Variants in ZNF345 observed in about 807,000 individuals in gnomAD.
ZNF345 encodes the protein zinc finger protein 345.
For synonymous variants in ZNF345, 166 were observed against 187.9 expected, an observed-to-expected ratio of 0.88 and a Z score of 0.95; for missense variants, 527 against 589.9, an observed-to-expected ratio of 0.89 and a Z score of 1.10.
intron 3 of ZNF345, among the ~76,000 whole-genome samples, chr19:36,884,853 TG>T (rs1159095169): frequency 6.6e-6 from 1 of 152,154 alleles, no homozygotes; most frequent in African/African-American, 2.4e-5. Flanking sequence ...TCTCTTTGGG[TG>T]AAGTTAATTT....
downstream of ZNF345, among the ~76,000 whole-genome samples, chr19:36,882,266 C>T (rs1300216510): frequency 6.6e-6 from 1 of 151,610 alleles, no homozygotes; most frequent in Admixed American, 6.6e-5. Flanking sequence ...TATCTGGGGC[C>T]CATGGTTTTT....
chr19:36,888,841 C>T (rs540639617), intron 3 of ZNF345: 1 of 152,424 alleles, frequency 6.6e-6, no homozygotes, highest in South Asian at 2.1e-4. Context: ...GGCACTATCT[C>T]AGCTCACTGC....
At chr19:36,854,002 G>A (rs2072347540) in intron 2 of ZNF345, among the ~76,000 whole-genome samples, 1 of 152,100 alleles carries the variant, frequency 6.6e-6, no homozygotes, top group Non-Finnish European at 1.5e-5. Flanking sequence ...TTCTACACTT[G>A]ATCTGAGCCA....
At chr19:36,865,799 GT>G (rs1380236879) in intron 2 of ZNF345, among the ~76,000 whole-genome samples, 2 of 152,178 alleles carry the variant, frequency 1.3e-5, no homozygotes, top group East Asian at 3.9e-4. Context: ...TCCCTTCCTG[GT>G]TTTTGTAGGT....
At chr19:36,861,386 C>T (rs1487914529) in intron 2 of ZNF345, among the ~76,000 whole-genome samples, 1 of 152,158 alleles carries the variant, frequency 6.6e-6, no homozygotes, top group Non-Finnish European at 1.5e-5. Context: ...TTTATATCTT[C>T]CTTCTGTAGT....
intron 2 of ZNF345, among the ~76,000 whole-genome samples, chr19:36,869,462 TTGATTAATCATTGGCCACATGAC>T (rs1386759040): frequency 6.6e-6 from 1 of 152,178 alleles, no homozygotes; most frequent in Non-Finnish European, 1.5e-5. Flanking sequence ...GTAGGCATGA[TTGATTAATCATTGGCCACATGAC>T]TGAACTCAGT....
chr19:36,890,251 G>C (rs1568365682), intron 3 of ZNF345: 1 of 152,218 alleles, frequency 6.6e-6, no homozygotes, highest in Non-Finnish European at 1.5e-5. Flanking sequence ...TTGTTGGGTA[G>C]AATGTTCTTC....
At position 36,877,280 on chromosome 19, in the gene ZNF345, A is replaced by C. The variant is rs751145044; in HGVS notation, c.450A>C (p.Glu150Asp). 1.2e-6 allele frequency: 2 copies of C among 1,613,718 alleles called. No homozygotes were observed. Among genetic ancestry groups the C allele is most frequent in the Non-Finnish European group, 1.7e-6 (2 of 1,179,876 alleles). The change falls in exon 3 of 3, where the codon GAA becomes GAC. Residue 150 changes from glutamate (E) to aspartate (D), a missense_variant. By Grantham distance (45) the Glu-to-Asp change is conservative. Coordinates refer to ENST00000420450, the MANE Select transcript of ZNF345 (RefSeq NM_001242472.2). ...HTGEKPYECK[E>D]CGKAFSFGSG... ...GTGAGAAACCCTATGAGTGTAAGGA[A>C]TGTGGGAAAGCCTTTAGTTTTGGAT... is the stretch of plus-strand genomic sequence containing the variant.
intron 2 of ZNF345, among the ~76,000 whole-genome samples, chr19:36,863,626 G>A (rs2072601394): frequency 6.6e-6 from 1 of 152,152 alleles, no homozygotes; most frequent in Non-Finnish European, 1.5e-5. Flanking sequence ...GTGTTTTTCA[G>A]CAATGTCAGC....
At chr19:36,889,353 T>C (rs1169650750) in intron 3 of ZNF345, 1 of 152,188 alleles carries the variant, frequency 6.6e-6, no homozygotes, top group East Asian at 1.9e-4. Flanking sequence ...TTTGGAATAG[T>C]TTCAATAGTG....
chr19:36,878,623 C>CTT lies in ZNF345; in HGVS notation c.*335_*336dup. The CTT allele has an allele frequency of 5.4e-6, 1 of 185,502 alleles. No individual in the cohort carries two copies. Among genetic ancestry groups the CTT allele is most frequent in the Non-Finnish European group, 1.2e-5 (1 of 82,790 alleles). The allele number at this position is 185,502 out of a possible 1,614,324, so 11.5% of individuals were successfully genotyped here. ...AATCCTACTATATTTTTTCAATGGT[C>CTT]TTTTTTTTTTGTATTATACAGAATT... is the stretch of plus-strand genomic sequence containing the variant. On this transcript the variant is annotated 3_prime_UTR_variant, in exon 3 of 3. Coordinates refer to ENST00000420450, the MANE Select transcript of ZNF345 (RefSeq NM_001242472.2).
chr19:36,877,086 G>A lies in ZNF345; in HGVS notation c.256G>A (p.Gly86Ser). Residue 86 changes from glycine (G) to serine (S), a missense_variant, in exon 3 of 3, where the codon GGT (glycine) becomes AGT (serine). Coordinates refer to ENST00000420450, the MANE Select transcript of ZNF345 (RefSeq NM_001242472.2). ...TGTTCGACATCAGCGAATTCATACT[G>A]GTGAGAAACCTTATGAATGCAAAGA... ...VLVRHQRIHTGEKPYECKECG... is the reference protein window; with the variant it reads ...VLVRHQRIHTSEKPYECKECG... 1.2e-6 allele frequency: 2 copies of A among 1,614,116 alleles called. No homozygotes were observed. Among genetic ancestry groups the A allele is most frequent in the Non-Finnish European group, 1.7e-6 (2 of 1,179,996 alleles).
At chr19:36,887,848 A>C (rs1443021848) in intron 3 of ZNF345, among the ~76,000 whole-genome samples, 1 of 152,200 alleles carries the variant, frequency 6.6e-6, no homozygotes, top group Admixed American at 6.5e-5. Context: ...AGTCATTCTC[A>C]TGATTTTGCC....
At chr19:36,874,223 G>T (rs2072831188) in intron 2 of ZNF345, among the ~76,000 whole-genome samples, 2 of 152,208 alleles carry the variant, frequency 1.3e-5, no homozygotes, top group African/African-American at 4.8e-5. Flanking sequence ...GCTGGGCATG[G>T]TGGCTCATGC....
intron 2 of ZNF345, among the ~76,000 whole-genome samples, chr19:36,874,051 TTC>T (rs2072826289): frequency 6.6e-6 from 1 of 152,206 alleles, no homozygotes; most frequent in Non-Finnish European, 1.5e-5. Context: ...GGGTACTTAG[TTC>T]CCTCCACTTC....
At chr19:36,883,104 T>C (rs1455165633), downstream of ZNF345, among the ~76,000 whole-genome samples, 1 of 152,230 alleles carries the variant, frequency 6.6e-6, no homozygotes, top group African/African-American at 2.4e-5. Flanking sequence ...TTGTTCTAGG[T>C]ATATATCCTT....
intron 3 of ZNF345, chr19:36,890,033 C>T (rs2073035106): frequency 6.6e-6 from 1 of 152,174 alleles, no homozygotes; most frequent in Non-Finnish European, 1.5e-5. Flanking sequence ...ATCCAAAAAT[C>T]ATTCAGGAGC....
chr19:36,887,127 C>T (rs566042333), intron 3 of ZNF345, among the ~76,000 whole-genome samples: 1 of 151,926 alleles, frequency 6.6e-6, no homozygotes, highest in Non-Finnish European at 1.5e-5. Flanking sequence ...GAGACCGCAC[C>T]ATTGCACTCC....
intron 2 of ZNF345, among the ~76,000 whole-genome samples, chr19:36,855,015 C>T (rs1397260243): frequency 5.9e-5 from 9 of 151,672 alleles, no homozygotes; most frequent in African/African-American, 2.2e-4. Flanking sequence ...CCATGCCCAG[C>T]TAATTTTTTG....
Sources: allele counts gnomAD v4.1 joint callset (sites outside exome capture counted in the v4.1 genomes callset), GRCh38; gene constraint gnomAD v4.1.1; transcripts MANE v1.5; gene names NCBI Gene and HGNC (gene_info 2026-07-23, HGNC 2026-07-21).